Variants in ONECUT1 observed in about 807,000 individuals in gnomAD.
The protein encoded by ONECUT1 is one cut homeobox 1.
Under a neutral mutation model 25.6 loss-of-function variants are expected in ONECUT1, and 12 were observed. The observed-to-expected ratio is 0.47, with a 90% CI of 0.30 to 0.76. ONECUT1 has a LOEUF of 0.76. Ranked by LOEUF, ONECUT1 falls within the 30% of genes least tolerant of loss-of-function variation. The pLI is 0.07. For missense variants in ONECUT1, 620 were observed against 651.2 expected, an observed-to-expected ratio of 0.95 and a Z score of 0.52; for synonymous variants, 285 against 270.2, an observed-to-expected ratio of 1.05 and a Z score of -0.54.
chr15:52,777,766 T>C (rs2083813740), intron 1 of ONECUT1, among the ~76,000 whole-genome samples: 1 of 148,460 alleles, frequency 6.7e-6, no homozygotes, highest in Non-Finnish European at 1.5e-5. Flanking sequence ...ATTTGTTCTC[T>C]TCCCTGCTAG....
Position 52,789,101 on chromosome 15 carries a change from C to T in ONECUT1, c.784G>A (p.Gly262Arg), listed in dbSNP as rs1168047878. ...TCCCGGGCTGTGCCCAGGAGTTGCC[C>T]GTGGCCCTGGGCGTTCAGGTGGGCG... ...PHAHLNAQGH[G>R]QLLGTAREPN... Residue 262 changes from glycine to arginine, a missense_variant, in exon 1 of 2, where the codon GGG becomes AGG. Around this residue, in one of 4 missense-constraint regions of ONECUT1, gnomAD observed 440 missense variants for 404.9 expected, o/e 1.09. Transcript: ENST00000305901. The surrounding 1 kb of genome is among the most constrained non-coding windows in gnomAD (Gnocchi z 4.1). The T allele has an allele frequency of 3.1e-6, 5 of 1,601,480 alleles. No individual in the cohort carries two copies. In the South Asian group the frequency reaches 3.3e-5, roughly 11 times the overall value.
chr15:52,764,741 T>G (rs1172626873), intron 1 of ONECUT1, among the ~76,000 whole-genome samples: 2 of 152,304 alleles, frequency 1.3e-5, no homozygotes, highest in Non-Finnish European at 2.9e-5. Flanking sequence ...GGCATTGTCA[T>G]AAGGGCCTGC....
intron 1 of ONECUT1, among the ~76,000 whole-genome samples, chr15:52,765,948 G>T (rs1011527488): frequency 4.6e-5 from 7 of 152,228 alleles, no homozygotes; most frequent in Non-Finnish European, 5.9e-5. Flanking sequence ...GTCCTGCACA[G>T]ATTGTCTGGA....
chr15:52,762,092 G>C (rs1455030645), intron 1 of ONECUT1, among the ~76,000 whole-genome samples: 1 of 152,168 alleles, frequency 6.6e-6, no homozygotes, highest in East Asian at 1.9e-4. Flanking sequence ...AAATAACTGA[G>C]CATTGGGTAC....
In ONECUT1 at chr15:52,757,366, G is replaced by A. The variant is rs2083679005; in HGVS notation, c.*189C>T. On this transcript the variant is annotated 3_prime_UTR_variant, in exon 2 of 2. Transcript: ENST00000305901. ...TGTCTTGCCAAGTCGCCGCCCTGCT[G>A]AAGTGTGTGTCTCCAAACAAAGTCA... is the stretch of plus-strand genomic sequence containing the variant. 1.6e-6 allele frequency: 1 copy of A among 625,664 alleles called. No homozygotes were observed. The highest frequency in any genetic ancestry group is 1.9e-5 in the African/African-American group (1 of 53,898). The allele number at this position is 625,664 out of a possible 1,614,324, so 38.8% of individuals were successfully genotyped here. A position where few individuals can be genotyped will look rare whatever the true frequency, so the allele number is the denominator to read the frequency against.
rs771978761 is a variant in ONECUT1 at position 52,755,429 on chromosome 15, T to C, written c.*2126A>G. Among the ~76,000 whole-genome samples, 2 of 152,198 alleles carry C rather than the reference T, an allele frequency of 1.3e-5. No homozygotes were observed. The highest frequency in any genetic ancestry group is 2.9e-5 in the Non-Finnish European group (2 of 68,032). ...AAGGGAAATTTTTAAGCTGGAGTTG[T>C]GGGTGAAATTAAAAACAAAAAACAA... On this transcript the variant is annotated 3_prime_UTR_variant, in exon 2 of 2. Transcript: ENST00000305901.
chr15:52,771,975 A>G (rs1256987716), intron 1 of ONECUT1, among the ~76,000 whole-genome samples: 3 of 152,208 alleles, frequency 2.0e-5, no homozygotes, highest in Non-Finnish European at 2.9e-5. Context: ...CAGGTCCAGG[A>G]AAGCCTGCTT....
intron 1 of ONECUT1, among the ~76,000 whole-genome samples, chr15:52,758,524 G>A (rs1344103472): frequency 6.6e-6 from 1 of 152,126 alleles, no homozygotes; most frequent in Admixed American, 6.5e-5. Context: ...CTGTGGAGGT[G>A]TGAACCGCTC....
chr15:52,766,748 C>A (rs961133238), intron 1 of ONECUT1, among the ~76,000 whole-genome samples: 1 of 152,148 alleles, frequency 6.6e-6, no homozygotes, highest in African/African-American at 2.4e-5. Flanking sequence ...AAGGAAAGAG[C>A]GGGAGCAGAG....
intron 1 of ONECUT1, among the ~76,000 whole-genome samples, chr15:52,782,864 G>A (rs1473850501): frequency 6.6e-6 from 1 of 152,192 alleles, no homozygotes; most frequent in Non-Finnish European, 1.5e-5. Flanking sequence ...AAGAGCACAA[G>A]CAATGTCACT....
intron 1 of ONECUT1, among the ~76,000 whole-genome samples, chr15:52,761,747 G>A (rs1230355671): frequency 3.3e-5 from 5 of 152,124 alleles, no homozygotes; most frequent in South Asian, 2.1e-4. Flanking sequence ...CTTCTTGGGC[G>A]GTCAAATCAA....
In ONECUT1 at chr15:52,784,043, G is replaced by T. The variant is rs764897613; in HGVS notation, c.1105+4737C>A. On this transcript the variant is annotated intron_variant, in intron 1 of 1. Transcript: ENST00000305901. The surrounding 1 kb of genome is among the most constrained non-coding windows in gnomAD (Gnocchi z 5.0). ...AGCATCCCTTTCTTCGCTGCCGCGG[G>T]CTGAACCACGGACGCTCGCGGGTCG... Among the ~76,000 whole-genome samples the T allele has an allele frequency of 2.0e-5, 3 of 152,202 alleles. No individual in the cohort carries two copies. Among genetic ancestry groups the T allele is most frequent in the Admixed American group, 6.5e-5 (1 of 15,282 alleles).
intron 1 of ONECUT1, among the ~76,000 whole-genome samples, chr15:52,758,697 A>T (rs1596044304): frequency 6.6e-6 from 1 of 152,134 alleles, no homozygotes; most frequent in African/African-American, 2.4e-5. Context: ...GTCCTGTATT[A>T]TGAAGCTGCT....
intron 1 of ONECUT1, among the ~76,000 whole-genome samples, chr15:52,787,458 G>T (rs971355749): frequency 3.3e-5 from 5 of 152,126 alleles, no homozygotes; most frequent in African/African-American, 1.2e-4. Context: ...TTTGATTTTA[G>T]ACTGTGAAAC....
rs1365341424 is a variant in ONECUT1 at position 52,789,644 on chromosome 15, C to G, written c.241G>C (p.Gly81Arg). Reference protein sequence around the residue: ...HHRAPEHSLAGPLHPTMTMAC... With the variant: ...HHRAPEHSLARPLHPTMTMAC... Reference sequence around the variant, plus strand: ...ATGGTCATGGTGGGATGCAGGGGGCCGGCCAGGCTGTGCTCAGGGGCCCGG... The same window carrying G: ...ATGGTCATGGTGGGATGCAGGGGGCGGGCCAGGCTGTGCTCAGGGGCCCGG... Residue 81 changes from glycine to arginine, a missense_variant, in exon 1 of 2, where the codon GGC becomes CGC. Physicochemically the swap from Gly to Arg is moderately radical, Grantham distance 125. This residue lies in a region of ONECUT1 where 440 missense variants were observed against 404.9 expected (regional missense o/e 1.09). Coordinates refer to ENST00000305901, the MANE Select transcript of ONECUT1 (RefSeq NM_004498.4). This position sits in a 1 kb window ranked among gnomAD's most constrained non-coding sequence, Gnocchi z 4.1. The G allele has an allele frequency of 1.3e-6, 2 of 1,550,940 alleles. No individual in the cohort carries two copies. The highest frequency in any genetic ancestry group is 2.3e-5 in the East Asian group (1 of 43,080).
At position 52,789,761 on chromosome 15, in the gene ONECUT1, C is replaced by G. The variant is rs766649325; in HGVS notation, c.124G>C (p.Gly42Arg). 2.1e-6 allele frequency: 3 copies of G among 1,403,030 alleles called. No homozygotes were observed. Among genetic ancestry groups the G allele is most frequent in the African/African-American group, 3.0e-5 (2 of 66,434 alleles). The allele number at this position is 1,403,030 out of a possible 1,614,324, so 86.9% of individuals were successfully genotyped here. A position where few individuals can be genotyped will look rare whatever the true frequency, so the allele number is the denominator to read the frequency against. The change falls in exon 1 of 2, where the codon GGC (glycine) becomes CGC (arginine). Residue 42 changes from glycine to arginine, a missense_variant. Gly to Arg is a moderately radical substitution (Grantham distance 125, BLOSUM62 -2). Transcript: ENST00000305901. The surrounding 1 kb of genome is among the most constrained non-coding windows in gnomAD (Gnocchi z 4.1). ...GGGTGCGCGGGGGGCAGGTGGCTGC[C>G]GCGGTGCGCCACGGAGCTGCGCGCG... ...PHARSSVAHR[G>R]SHLPPAHPRS...
intron 1 of ONECUT1, among the ~76,000 whole-genome samples, chr15:52,775,820 T>C (rs960408014): frequency 6.6e-6 from 1 of 152,240 alleles, no homozygotes; most frequent in Admixed American, 6.5e-5. Context: ...ACAGATAGAT[T>C]TGTAAGTGAC....
At chr15:52,762,064 A>C (rs2141446801) in intron 1 of ONECUT1, among the ~76,000 whole-genome samples, 1 of 152,284 alleles carries the variant, frequency 6.6e-6, no homozygotes, top group Admixed American at 6.5e-5. Context: ...TACACAGAAC[A>C]CTCACTCATG....
rs2083674760 is a variant in ONECUT1 at position 52,756,493 on chromosome 15, T to A, written c.*1062A>T. 6.6e-6 allele frequency among the ~76,000 whole-genome samples: 1 copy of A among 152,226 alleles called. No individual in the cohort carries two copies. The highest frequency in any genetic ancestry group is 1.5e-5 in the Non-Finnish European group (1 of 68,032). On this transcript the variant is annotated 3_prime_UTR_variant, in exon 2 of 2. Transcript: ENST00000305901. ...GTTTTCTAGTGTAAAAATGGGGTACTACTTTGGAAAGATCCTCAGGTTTTC... is the reference window on the plus strand; with the variant it reads ...GTTTTCTAGTGTAAAAATGGGGTACAACTTTGGAAAGATCCTCAGGTTTTC...
Sources: allele counts gnomAD v4.1 joint callset (sites outside exome capture counted in the v4.1 genomes callset), GRCh38; gene constraint gnomAD v4.1.1; regional missense constraint gnomAD v4.1.1; non-coding constraint Gnocchi (gnomAD v3.1); transcripts MANE v1.5; gene names NCBI Gene and HGNC (gene_info 2026-07-23, HGNC 2026-07-21).